GRM4: variants seen among roughly 807,000 people sequenced by gnomAD.
GRM4 encodes the protein metabotropic glutamate receptor 4.
Under a neutral mutation model 81.7 loss-of-function variants are expected in GRM4, and 28 were observed. That is an observed-to-expected ratio of 0.34 (90% CI 0.25 to 0.47). GRM4 has a LOEUF of 0.47. GRM4 is among the 20% of genes least tolerant of loss of function. The pLI is 1.00. For synonymous variants in GRM4, 488 were observed against 528.8 expected (o/e 0.92, Z 1.06); for missense variants, 948 against 1,290.0 (o/e 0.73, Z 4.06).
chr6:34,050,771 C>T lies in GRM4; in HGVS notation c.1168+5773G>A, dbSNP rs147024903. Among the ~76,000 whole-genome samples the T allele has an allele frequency of 3.7e-4, 56 of 152,320 alleles. No individual in the cohort carries two copies. The East Asian group carries it at 9.9e-3, about 27-fold the overall frequency. On this transcript the variant is annotated intron_variant, in intron 6 of 10. Transcript: ENST00000538487. Reference sequence around the variant, plus strand: ...TGCCTTCTCCACCCTCACAGTTAGGCCTTTTCTGGAGCCACAGCACTGACT... The same window carrying T: ...TGCCTTCTCCACCCTCACAGTTAGGTCTTTTCTGGAGCCACAGCACTGACT...
Position 34,036,254 on chromosome 6 carries a change from T to C in GRM4, c.1856A>G (p.Lys619Arg). Residue 619 changes from lysine (K) to arginine (R), a missense_variant, in exon 9 of 11, where the codon AAG becomes AGG. Coordinates refer to ENST00000538487, the MANE Select transcript of GRM4 (RefSeq NM_000841.4). This position sits in a 1 kb window ranked among gnomAD's most constrained non-coding sequence, Gnocchi z 9.0. ...FVRYNDTPIVKASGRELSYVL... is the reference protein window; with the variant it reads ...FVRYNDTPIVRASGRELSYVL... ...GTAGCTCAGTTCACGGCCCGAGGCCTTGACGATGGGCGTGTCGTTGTAGCG... is the reference window on the plus strand; with the variant it reads ...GTAGCTCAGTTCACGGCCCGAGGCCCTGACGATGGGCGTGTCGTTGTAGCG... The C allele has an allele frequency of 6.2e-7, 1 of 1,614,118 alleles. No homozygotes were observed. Among genetic ancestry groups the C allele is most frequent in the East Asian group, 2.2e-5 (1 of 44,880 alleles).
At chr6:34,095,947 T>C (rs895459949) in intron 2 of GRM4, among the ~76,000 whole-genome samples, 1 of 152,194 alleles carries the variant, frequency 6.6e-6, no homozygotes, top group Non-Finnish European at 1.5e-5. Flanking sequence ...CAACTCCCAC[T>C]GTCTGCGCAG....
chr6:34,137,187 C>T (rs935329424), intron 1 of GRM4, among the ~76,000 whole-genome samples: 2 of 152,222 alleles, frequency 1.3e-5, no homozygotes, highest in South Asian at 2.1e-4. Context: ...CACCCCCAGA[C>T]GGGCCTCTTC....
intron 1 of GRM4, among the ~76,000 whole-genome samples, chr6:34,144,420 G>C (rs570184568): frequency 2.8e-4 from 43 of 152,366 alleles, no homozygotes; most frequent in Non-Finnish European, 4.0e-4. Flanking sequence ...CGGCCGCGTA[G>C]ACGCGCAGGT....
At chr6:34,132,692 C>A (rs1236415861) in intron 2 of GRM4, among the ~76,000 whole-genome samples, 1 of 152,198 alleles carries the variant, frequency 6.6e-6, no homozygotes, top group Non-Finnish European at 1.5e-5. Flanking sequence ...GAGTTGCTCA[C>A]CGAGCCTCCA....
intron 2 of GRM4, among the ~76,000 whole-genome samples, chr6:34,124,857 C>A (rs1769961164): frequency 6.6e-6 from 1 of 152,146 alleles, no homozygotes; most frequent in Admixed American, 6.5e-5. Flanking sequence ...CTAGACTCAG[C>A]CTTCACCTCA....
At position 34,092,983 on chromosome 6, in the gene GRM4, C is replaced by G. The variant is rs563170196; in HGVS notation, c.520-884G>C. ...CCACTGCTCTGCTCTCCCGGCTGCT[C>G]AGGGCTTGTGGGCTCCACTCCCCGC... On this transcript the variant is annotated intron_variant, in intron 2 of 10. Transcript: ENST00000538487. This position sits in a 1 kb window ranked among gnomAD's most constrained non-coding sequence, Gnocchi z 6.8. Among the ~76,000 whole-genome samples the G allele has an allele frequency of 2.4e-4, 36 of 152,304 alleles. No individual in the cohort carries two copies. The highest frequency in any genetic ancestry group is 2.3e-3 in the South Asian group (11 of 4,826).
chr6:34,076,390 C>T (rs1270379138), intron 3 of GRM4, among the ~76,000 whole-genome samples: 4 of 152,296 alleles, frequency 2.6e-5, no homozygotes, highest in East Asian at 3.9e-4. Flanking sequence ...GCAAAGAGCC[C>T]GGCTCTGGCT....
intron 3 of GRM4, chr6:34,062,760 C>G (rs1004610129): frequency 1.3e-5 from 2 of 151,652 alleles, no homozygotes; most frequent in African/African-American, 4.8e-5. Flanking sequence ...GGGTGGCCAT[C>G]AGAGACCCTG....
At chr6:34,055,795 C>T (rs913754902) in intron 6 of GRM4, 8 of 152,194 alleles carry the variant, frequency 5.3e-5, no homozygotes, top group African/African-American at 1.9e-4. Context: ...GAATTCAAGT[C>T]CCTCTACTCA....
In GRM4 at chr6:34,111,808, G is replaced by C. The variant is rs997213340; in HGVS notation, c.520-19709C>G. 8.5e-5 allele frequency among the ~76,000 whole-genome samples: 13 copies of C among 152,224 alleles called. No individual in the cohort carries two copies. Among genetic ancestry groups the C allele is most frequent in the African/African-American group, 2.9e-4 (12 of 41,470 alleles). On this transcript the variant is annotated intron_variant, in intron 2 of 10. Transcript: ENST00000538487. This position sits in a 1 kb window ranked among gnomAD's most constrained non-coding sequence, Gnocchi z 5.1. ...GCCCCCCGGGACACCATGGGCTGAT[G>C]TTGGCAGCATTGCCCCTCTCCTCAG...
rs750568659 is a variant in GRM4, at chr6:34,036,652, G to T, written c.1507-49C>A. The T allele has an allele frequency of 1.9e-6, 2 of 1,050,060 alleles. No homozygotes were observed. Among genetic ancestry groups the T allele is most frequent in the Non-Finnish European group, 2.8e-6 (2 of 716,670 alleles). The allele number at this position is 1,050,060 out of a possible 1,614,324, so 65.0% of individuals were successfully genotyped here. The stretch of plus-strand genomic sequence containing the variant: ...CAGGCCTCAGAACATGCCACCCGGT[G>T]CCCCGGACCATCCTACTGGGTGGTG... On this transcript the variant is annotated intron_variant, in intron 8 of 10. Coordinates refer to ENST00000538487, the MANE Select transcript of GRM4 (RefSeq NM_000841.4). The surrounding 1 kb of genome is among the most constrained non-coding windows in gnomAD (Gnocchi z 9.0).
intron 2 of GRM4, among the ~76,000 whole-genome samples, chr6:34,112,041 C>T (rs528592033): frequency 1.3e-5 from 2 of 152,210 alleles, no homozygotes; most frequent in Middle Eastern, 3.4e-3. Flanking sequence ...GGGACATGAT[C>T]ACTCCTGGAA....
chr6:34,055,863 T>A (rs1765846228), intron 6 of GRM4: 1 of 152,246 alleles, frequency 6.6e-6, no homozygotes. Flanking sequence ...GCCCCTCCCC[T>A]GTGCGGCCTA....
chr6:34,031,718 T>C (rs780583866), intron 9 of GRM4, among the ~76,000 whole-genome samples: 1 of 152,170 alleles, frequency 6.6e-6, no homozygotes, highest in Non-Finnish European at 1.5e-5. Context: ...TGTTAAGCCC[T>C]GGAAATCCGG....
intron 6 of GRM4, 142 bp from the exon 7 acceptor site, chr6:34,040,890 C>T: frequency 1.5e-6 from 1 of 678,446 alleles, no homozygotes; most frequent in Non-Finnish European, 2.6e-6. Context: ...ACTCCCAGCC[C>T]AGTGCTCTAT....
intron 3 of GRM4, among the ~76,000 whole-genome samples, chr6:34,083,580 C>G (rs930035736): frequency 2.6e-5 from 4 of 152,272 alleles, no homozygotes; most frequent in African/African-American, 9.6e-5. Flanking sequence ...GGTCTTGGGT[C>G]TAGAAAGCCC....
chr6:34,139,995 G>T (rs188064795), intron 1 of GRM4, among the ~76,000 whole-genome samples: 1 of 152,180 alleles, frequency 6.6e-6, no homozygotes, highest in Non-Finnish European at 1.5e-5. Context: ...AAGCGGGTGG[G>T]CACAGGACGA....
rs181878451 is a variant in GRM4 at position 34,096,061 on chromosome 6, C to T, written c.520-3962G>A. ...AGGAGGGGAGGGAGGGAATGGTGCC[C>T]GCCCTGGTGCCAGCTGCTCCATCCC... is the stretch of plus-strand genomic sequence containing the variant. On this transcript the variant is annotated intron_variant, in intron 2 of 10. Transcript: ENST00000538487. 3.0e-3 allele frequency among the ~76,000 whole-genome samples: 456 copies of T among 152,284 alleles called. 1 individual carries two copies. The highest frequency in any genetic ancestry group is 4.9e-3 in the Non-Finnish European group (335 of 68,008).
Sources: gnomAD v4.1 joint callset for allele counts (sites outside exome capture counted in the v4.1 genomes callset) on GRCh38, gnomAD v4.1.1 for gene constraint, Gnocchi (gnomAD v3.1) non-coding constraint, MANE v1.5 for transcripts, NCBI Gene and HGNC (gene_info 2026-07-23, HGNC 2026-07-21) for gene names.